SEZ6: variants seen among roughly 807,000 people sequenced by gnomAD.
The protein encoded by SEZ6 is seizure related 6 homolog.
Under a neutral mutation model 101.0 loss-of-function variants are expected in SEZ6, and 53 were observed. That is an observed-to-expected ratio of 0.52 (90% CI 0.42 to 0.66). The LOEUF (loss-of-function observed/expected upper bound fraction) is 0.66. Among genes scored for constraint, SEZ6 ranks in the 30% least tolerant of loss-of-function variants. The pLI is 0.00. For synonymous variants in SEZ6, 488 were observed against 512.2 expected (o/e 0.95, Z 0.64); for missense variants, 1,102 against 1,289.4 (o/e 0.85, Z 2.23).
Position 28,979,108 on chromosome 17 carries a change from T to C in SEZ6, c.858+572A>G, listed in dbSNP as rs2041263158. On this transcript the variant is annotated intron_variant, in intron 3 of 16. Transcript: ENST00000317338. ...GAGGTTGAGGAGCCTGTGGGACATC[T>C]GTGAGGACCTGTAGCCTCAGGCCTC... 2.6e-5 allele frequency among the ~76,000 whole-genome samples: 4 copies of C among 152,114 alleles called. No individual in the cohort carries two copies. In the South Asian group the frequency reaches 8.3e-4, roughly 32 times the overall value.
rs920020079 is a variant in SEZ6, at chr17:29,005,673, G to A, written c.55+142C>T. 3.4e-5 allele frequency: 26 copies of A among 762,852 alleles called. No homozygotes were observed. The highest frequency in any genetic ancestry group is 7.5e-5 in the African/African-American group (4 of 53,444). 47.3% of individuals were successfully genotyped at this position (762,852 alleles called of 1,614,324 possible). A position where few individuals can be genotyped will look rare whatever the true frequency, so the allele number is the denominator to read the frequency against. Reference sequence around the variant, plus strand: ...AGCCCGCGCCCCGCCCGGCTTGGCCGGCGCCGGGGGCAGCGCAGCCGGCGG... The same window carrying A: ...AGCCCGCGCCCCGCCCGGCTTGGCCAGCGCCGGGGGCAGCGCAGCCGGCGG... On this transcript the variant is annotated intron_variant, in intron 1 of 16. Coordinates refer to ENST00000317338, the MANE Select transcript of SEZ6 (RefSeq NM_178860.5). The surrounding 1 kb of genome is among the most constrained non-coding windows in gnomAD (Gnocchi z 4.8).
intron 1 of SEZ6, among the ~76,000 whole-genome samples, chr17:28,997,823 G>A (rs1015868303): frequency 2.0e-5 from 3 of 152,172 alleles, no homozygotes; most frequent in Admixed American, 2.0e-4. Flanking sequence ...ACTTGCCCAA[G>A]GTCACACAGC....
At position 29,005,760 on chromosome 17, in the gene SEZ6, C is replaced by A. The variant is rs150464937; in HGVS notation, c.55+55G>T. ...GCTGGGCACCGGGTCTCCCTTCCCA[C>A]CCCTGGGGCCCCGCTCCCGCCCCCG... is the stretch of plus-strand genomic sequence containing the variant. On this transcript the variant is annotated intron_variant, in intron 1 of 16. Transcript: ENST00000317338. This position sits in a 1 kb window ranked among gnomAD's most constrained non-coding sequence, Gnocchi z 4.8. 2.1e-6 allele frequency: 3 copies of A among 1,463,320 alleles called. No individual in the cohort carries two copies. Among genetic ancestry groups the A allele is most frequent in the African/African-American group, 1.5e-5 (1 of 68,020 alleles). 90.6% of individuals were successfully genotyped at this position (1,463,320 alleles called of 1,614,324 possible). A position where few individuals can be genotyped will look rare whatever the true frequency, so the allele number is the denominator to read the frequency against.
chr17:28,965,267 G>A (rs909587059), intron 4 of SEZ6, among the ~76,000 whole-genome samples: 45 of 152,160 alleles, frequency 3.0e-4, no homozygotes, highest in African/African-American at 8.9e-4. Context: ...CAGGAGAATC[G>A]CTTGAACCCG....
intron 13 of SEZ6, 68 bp downstream of exon 13, chr17:28,956,977 C>T (rs1432581667): frequency 7.4e-6 from 11 of 1,477,688 alleles, no homozygotes; most frequent in Admixed American, 2.2e-5. Flanking sequence ...TGGTTCTAAA[C>T]ATTGGACATC....
intron 14 of SEZ6, 68 bp downstream of exon 14, chr17:28,956,650 CA>C: frequency 6.5e-7 from 1 of 1,547,132 alleles, no homozygotes; most frequent in Non-Finnish European, 8.8e-7. Flanking sequence ...TTGGGAAGCC[CA>C]TGACCTGGGA....
At chr17:28,998,817 G>A (rs1221762991) in intron 1 of SEZ6, among the ~76,000 whole-genome samples, 1 of 152,176 alleles carries the variant, frequency 6.6e-6, no homozygotes, top group African/African-American at 2.4e-5. Flanking sequence ...CAGACCCAGA[G>A]GCAAACTCTT....
At position 28,960,497 on chromosome 17, in the gene SEZ6, A is replaced by G. The variant is rs775622020; in HGVS notation, c.1576+8T>C. On this transcript the variant is annotated splice_region_variant and intron_variant, in intron 7 of 16. Transcript: ENST00000317338. The stretch of plus-strand genomic sequence containing the variant: ...CCGCCACCCCCAGTGAGGCCCCAGC[A>G]GGCTCACCCTCATAGCGCAGGGCCA... The G allele has an allele frequency of 1.9e-6, 3 of 1,585,296 alleles. No individual in the cohort carries two copies. Among genetic ancestry groups the G allele is most frequent in the Non-Finnish European group, 2.6e-6 (3 of 1,166,556 alleles).
In SEZ6 at chr17:28,959,743, C is replaced by G; in HGVS notation, c.1726G>C (p.Asp576His). ...EQGSIIIECV[D>H]PHDPQWNETE... ...TCATTCCACTGGGGGTCGTGGGGGT[C>G]AACACACTCGATGATGATGGAGCCC... is the stretch of plus-strand genomic sequence containing the variant. The change falls in exon 8 of 17, where the codon GAC becomes CAC. Residue 576 changes from aspartate to histidine, a missense_variant. Around this residue, in one of 3 missense-constraint regions of SEZ6, gnomAD observed 556 missense variants for 735.1 expected, o/e 0.76. Transcript: ENST00000317338. The surrounding 1 kb of genome is among the most constrained non-coding windows in gnomAD (Gnocchi z 4.4). 1 of 1,610,954 alleles carries G rather than the reference C, an allele frequency of 6.2e-7. No homozygotes were observed. Among genetic ancestry groups the G allele is most frequent in the Non-Finnish European group, 8.5e-7 (1 of 1,178,278 alleles).
intron 5 of SEZ6, among the ~76,000 whole-genome samples, chr17:28,963,361 A>G (rs1302853445): frequency 6.6e-6 from 1 of 152,116 alleles, no homozygotes; most frequent in Non-Finnish European, 1.5e-5. Flanking sequence ...CTGGCCTCCC[A>G]GTCATCTCCT....
At chr17:28,984,227 G>C (rs911222950) in intron 1 of SEZ6, among the ~76,000 whole-genome samples, 4 of 152,208 alleles carry the variant, frequency 2.6e-5, no homozygotes, top group Non-Finnish European at 4.4e-5. Flanking sequence ...GGTCCAGGCA[G>C]TGCCTGTGAC....
Position 28,957,395 on chromosome 17 carries a change from C to T in SEZ6, c.2447G>A (p.Arg816His), listed in dbSNP as rs117736100. The T allele has an allele frequency of 1.1e-3, 1,819 of 1,613,684 alleles. 5 individuals are homozygous for T. The highest frequency in any genetic ancestry group is 1.8e-3 in the South Asian group (163 of 91,046). ...ACTCCACTTGGGGCTGCCAGCCTGG[C>T]GATCATGGCAGGTGAGGATGGAGCT... is the stretch of plus-strand genomic sequence containing the variant. ...MGSSILTCHD[R>H]QAGSPKWSDR... The change falls in exon 12 of 17, where the codon CGC becomes CAC. Residue 816 changes from arginine to histidine, a missense_variant. Physicochemically the swap from Arg to His is conservative, Grantham distance 29. Transcript: ENST00000317338.
chr17:28,985,975 C>G (rs1598204172), intron 1 of SEZ6, among the ~76,000 whole-genome samples: 1 of 152,148 alleles, frequency 6.6e-6, no homozygotes, highest in East Asian at 1.9e-4. Flanking sequence ...GCTGCATTCT[C>G]CGAGTGGGCT....
In SEZ6 at chr17:28,957,067, G is replaced by A. The variant is rs1272887894; in HGVS notation, c.2670C>T (p.Asp890=). ...CVPGHPSHWS[D]PPPICRAASL... is the part of the protein sequence containing the mutation. ...CACCAGCCCTACAGATGGGTGGGGG[G>A]TCACTCCAATGCGAGGGGTGCCCAG... The change falls in exon 13 of 17, where the codon GAC becomes GAT. Residue 890 remains aspartate (D), a synonymous_variant. Transcript: ENST00000317338. The A allele has an allele frequency of 4.4e-6, 7 of 1,601,580 alleles. No individual in the cohort carries two copies. The highest frequency in any genetic ancestry group is 1.7e-4 in the Middle Eastern group (1 of 6,024).
Position 28,981,666 on chromosome 17 carries a change from C to A in SEZ6, c.429G>T (p.Glu143Asp). The A allele has an allele frequency of 6.3e-7, 1 of 1,574,882 alleles. No individual in the cohort carries two copies. Among genetic ancestry groups the A allele is most frequent in the South Asian group, 1.2e-5 (1 of 85,618 alleles). Residue 143 changes from glutamate to aspartate, a missense_variant, in exon 2 of 17, where the codon GAG becomes GAT. Physicochemically the swap from Glu to Asp is conservative, Grantham distance 45. This residue lies in a region of SEZ6 where 406 missense variants were observed against 418.6 expected (regional missense o/e 0.97). Coordinates refer to ENST00000317338, the MANE Select transcript of SEZ6 (RefSeq NM_178860.5). The part of the protein sequence containing the change: ...PQSKEGPWSP[E>D]SESPMLRITA... ...TGATTCGAAGCATAGGGGACTCTGA[C>A]TCCGGACTCCAGGGTCCCTCCTTGG...
chr17:28,965,854 A>T (rs2041057908), intron 4 of SEZ6, among the ~76,000 whole-genome samples: 1 of 152,126 alleles, frequency 6.6e-6, no homozygotes, highest in Admixed American at 6.6e-5. Context: ...AGCTAAAAGG[A>T]TCAACCCGGT....
chr17:28,980,659 C>T (rs1369518371), intron 2 of SEZ6, among the ~76,000 whole-genome samples: 1 of 150,118 alleles, frequency 6.7e-6, no homozygotes, highest in African/African-American at 2.5e-5. Context: ...TGAGCCACCG[C>T]GCCCGGCCAA....
intron 1 of SEZ6, among the ~76,000 whole-genome samples, chr17:28,994,073 T>TGTGAGGTGAGGTGAGGCCA (rs2041503184): frequency 1.3e-5 from 2 of 152,206 alleles, no homozygotes; most frequent in Non-Finnish European, 2.9e-5. Flanking sequence ...ACCCTGATGC[T>TGTGAGGTGAGGTGAGGCCA]GAGGTGAGCT....
At chr17:28,998,432 A>G (rs2041571896) in intron 1 of SEZ6, among the ~76,000 whole-genome samples, 1 of 151,552 alleles carries the variant, frequency 6.6e-6, no homozygotes, top group African/African-American at 2.4e-5. Flanking sequence ...AGGGGTAGGG[A>G]GGGATGGCAT....
Sources: allele counts gnomAD v4.1 joint callset (sites outside exome capture counted in the v4.1 genomes callset), GRCh38; gene constraint gnomAD v4.1.1; regional missense constraint gnomAD v4.1.1; non-coding constraint Gnocchi (gnomAD v3.1); transcripts MANE v1.5; gene names NCBI Gene and HGNC (gene_info 2026-07-23, HGNC 2026-07-21).